The following KCNMA1 variants were observed in gnomAD, a reference collection of about 807,000 sequenced individuals.
KCNMA1 encodes the protein potassium calcium-activated channel subfamily M alpha 1.
In KCNMA1, 29 loss-of-function variants were observed where a neutral mutation model predicts 140.0. The observed-to-expected ratio is 0.21, with a 90% CI of 0.15 to 0.28. KCNMA1 has a LOEUF of 0.28. Among genes scored for constraint, KCNMA1 ranks in the 10% least tolerant of loss-of-function variants. KCNMA1 has a pLI of 1.00. For synonymous variants in KCNMA1, 612 were observed against 611.9 expected (o/e 1.00, Z 0.00); for missense variants, 880 against 1,602.2 (o/e 0.55, Z 7.70).
chr10:77,222,462 G>A (rs1442795516), intron 3 of KCNMA1, among the ~76,000 whole-genome samples: 1 of 152,086 alleles, frequency 6.6e-6, no homozygotes. Context: ...CCACAGTAAG[G>A]GCACTGAAAT....
chr10:77,409,821 A>G (rs2154474766), intron 1 of KCNMA1, among the ~76,000 whole-genome samples: 1 of 152,278 alleles, frequency 6.6e-6, no homozygotes, highest in African/African-American at 2.4e-5. Context: ...TATGAAAATC[A>G]AAAGATACTC....
chr10:77,166,576 G>C (rs1049506701), intron 5 of KCNMA1, among the ~76,000 whole-genome samples: 1 of 151,988 alleles, frequency 6.6e-6, no homozygotes, highest in African/African-American at 2.4e-5. Context: ...GAAGGAAGAA[G>C]AAAGAGAGGA....
chr10:77,401,349 G>T (rs1323680659), intron 2 of KCNMA1, among the ~76,000 whole-genome samples: 1 of 152,056 alleles, frequency 6.6e-6, no homozygotes, highest in Non-Finnish European at 1.5e-5. Context: ...TAGAGATGGG[G>T]TTTCACTGTG....
intron 24 of KCNMA1, chr10:76,913,708 A>C (rs1306770604): frequency 1.8e-5 from 4 of 225,000 alleles, no homozygotes; most frequent in Non-Finnish European, 3.5e-5. Flanking sequence ...AGTATGTTGG[A>C]AGAGGAGTAG....
intron 1 of KCNMA1, among the ~76,000 whole-genome samples, chr10:77,439,140 G>GAGAAGAGAAGAGAAGAGAA (rs2097335607): frequency 2.1e-5 from 3 of 140,194 alleles, no homozygotes; most frequent in Non-Finnish European, 4.7e-5. Context: ...GAGAAGAGAA[G>GAGAAGAGAAGAGAAGAGAA]AGAAGAGAAA....
intron 2 of KCNMA1, among the ~76,000 whole-genome samples, chr10:77,304,868 G>A (rs1004603778): frequency 4.6e-5 from 7 of 152,182 alleles, no homozygotes; most frequent in East Asian, 1.9e-4. Flanking sequence ...AGGCCATTGC[G>A]GTCCAAGACC....
intron 5 of KCNMA1, among the ~76,000 whole-genome samples, chr10:77,132,910 T>G (rs1472823436): frequency 6.6e-6 from 1 of 152,146 alleles, no homozygotes; most frequent in African/African-American, 2.4e-5. Flanking sequence ...TTCATTTATG[T>G]GTTGACTGAG....
intron 1 of KCNMA1, among the ~76,000 whole-genome samples, chr10:77,524,189 G>C (rs2054664189): frequency 6.6e-6 from 1 of 152,220 alleles, no homozygotes; most frequent in South Asian, 2.1e-4. Flanking sequence ...GTTATTGTGA[G>C]AATAGGGGTT....
At chr10:77,004,236 C>CACAT (rs1035177176) in intron 18 of KCNMA1, among the ~76,000 whole-genome samples, 1 of 151,886 alleles carries the variant, frequency 6.6e-6, no homozygotes, top group African/African-American at 2.4e-5. Flanking sequence ...CACACACACA[C>CACAT]ACACACACAC....
At chr10:77,157,839 T>C (rs1246340707) in intron 5 of KCNMA1, among the ~76,000 whole-genome samples, 1 of 152,156 alleles carries the variant, frequency 6.6e-6, no homozygotes, top group African/African-American at 2.4e-5. Context: ...TGGCACCCTC[T>C]CCAGGATCAC....
chr10:77,234,210 C>T (rs1172701531), intron 3 of KCNMA1, among the ~76,000 whole-genome samples: 2 of 151,946 alleles, frequency 1.3e-5, no homozygotes, highest in African/African-American at 4.8e-5. Flanking sequence ...TCTTATAATC[C>T]AATGTTTTTA....
Position 77,510,376 on chromosome 10 carries a change from G to A in KCNMA1, c.379-106353C>T, listed in dbSNP as rs1367284187. Among the ~76,000 whole-genome samples, 72 of 152,142 alleles carry A rather than the reference G, an allele frequency of 4.7e-4. 1 individual carries two copies. Among genetic ancestry groups the A allele is most frequent in the Non-Finnish European group, 8.8e-5 (6 of 68,004 alleles). ...ACCTACTAGTAAATACCACTTAATT[G>A]ACTGATTGAAAGAAACCCGTCACTG... On this transcript the variant is annotated intron_variant, in intron 1 of 27. Transcript: ENST00000286628.
intron 2 of KCNMA1, among the ~76,000 whole-genome samples, chr10:77,261,344 T>C (rs2061962357): frequency 6.6e-6 from 1 of 152,086 alleles, no homozygotes; most frequent in African/African-American, 2.4e-5. Flanking sequence ...TTTTTAATGC[T>C]CCCCAAAGAA....
At chr10:76,981,858 T>C (rs2079577237) in intron 19 of KCNMA1, among the ~76,000 whole-genome samples, 1 of 152,208 alleles carries the variant, frequency 6.6e-6, no homozygotes, top group South Asian at 2.1e-4. Context: ...AGTTCACATA[T>C]CACTGAGTCT....
intron 1 of KCNMA1, among the ~76,000 whole-genome samples, chr10:77,463,181 A>G (rs1364019841): frequency 6.6e-6 from 1 of 151,852 alleles, no homozygotes; most frequent in African/African-American, 2.4e-5. Flanking sequence ...CCTTCATATC[A>G]CTATCTTGCA....
At chr10:77,209,663 G>A (rs904991779) in intron 3 of KCNMA1, among the ~76,000 whole-genome samples, 12 of 152,102 alleles carry the variant, frequency 7.9e-5, no homozygotes, top group African/African-American at 2.9e-4. Flanking sequence ...TAGACAGCTG[G>A]CCAGATTAAC....
At chr10:77,136,035 G>C (rs1232547331) in intron 5 of KCNMA1, among the ~76,000 whole-genome samples, 1 of 152,138 alleles carries the variant, frequency 6.6e-6, no homozygotes, top group African/African-American at 2.4e-5. Flanking sequence ...TTCACCTAGT[G>C]GAGATGACTC....
chr10:77,404,273 C>T lies in KCNMA1; in HGVS notation c.379-250G>A, dbSNP rs146742495. On this transcript the variant is annotated intron_variant, in intron 1 of 27. Transcript: ENST00000286628. The stretch of plus-strand genomic sequence containing the variant: ...CAAAGAAGGATGGTATTATTCTATT[C>T]TATTTTATTTTATTTTATTTTTTGA... 2.6e-3 allele frequency among the ~76,000 whole-genome samples: 393 copies of T among 151,944 alleles called. 2 individuals are homozygous for T. Among genetic ancestry groups the T allele is most frequent in the African/African-American group, 9.0e-3 (373 of 41,440 alleles).
chr10:77,146,881 C>CCTCT (rs879435643), intron 5 of KCNMA1, among the ~76,000 whole-genome samples: 1 of 151,912 alleles, frequency 6.6e-6, no homozygotes, highest in Non-Finnish European at 1.5e-5. Context: ...CTGCACTTGG[C>CCTCT]CTCTCTCTCT....
Sources: gnomAD v4.1 joint callset for allele counts (sites outside exome capture counted in the v4.1 genomes callset) on GRCh38, gnomAD v4.1.1 for gene constraint, MANE v1.5 for transcripts, NCBI Gene and HGNC (gene_info 2026-07-23, HGNC 2026-07-21) for gene names.